Variants in ABCA13 observed in about 807,000 individuals in gnomAD.
ABCA13 encodes ATP-binding cassette sub-family A member 13.
A neutral mutation model predicts 478.7 loss-of-function variants in ABCA13; 476 were observed. The ratio of observed to expected loss-of-function variants is 0.99; its 90% CI spans 0.92 to 1.07. The LOEUF is 1.07. Among genes scored for constraint, ABCA13 ranks in the 50% least tolerant of loss-of-function variants. The pLI is 0.00. For synonymous variants in ABCA13, 2,252 were observed against 2,158.9 expected, an observed-to-expected ratio of 1.04 and a Z score of -1.20; for missense variants, 6,060 against 5,910.6, an observed-to-expected ratio of 1.03 and a Z score of -0.83.
At chr7:48,252,027 T>C (rs1792647603) in intron 15 of ABCA13, among the ~76,000 whole-genome samples, 1 of 152,208 alleles carries the variant, frequency 6.6e-6, no homozygotes, top group Admixed American at 6.5e-5. Flanking sequence ...TTATGCTACT[T>C]GAAGTTTTTT....
rs1474964794 is a variant in ABCA13 at position 48,587,247 on chromosome 7, A to G, written c.14599A>G (p.Thr4867Ala). 3.1e-6 allele frequency: 5 copies of G among 1,611,758 alleles called. No homozygotes were observed. Among genetic ancestry groups the G allele is most frequent in the African/African-American group, 2.7e-5 (2 of 75,006 alleles). The part of the protein sequence containing the change: ...YSGGTKRKLS[T>A]ALALVGKPDI... ...TGGGGGAACCAAGCGGAAACTCTCTACAGCCCTGGCCCTGGTGGGGAAACC... is the reference window on the plus strand; with the variant it reads ...TGGGGGAACCAAGCGGAAACTCTCTGCAGCCCTGGCCCTGGTGGGGAAACC... Residue 4867 changes from threonine (T) to alanine (A), a missense_variant, in exon 57 of 62, where the codon ACA becomes GCA. This residue lies in a region of ABCA13 where 1,627 missense variants were observed against 1,571.0 expected (regional missense o/e 1.04). Transcript: ENST00000435803.
chr7:48,243,533 G>T (rs1053873823), intron 10 of ABCA13, among the ~76,000 whole-genome samples: 6 of 152,232 alleles, frequency 3.9e-5, no homozygotes, highest in East Asian at 1.9e-4. Context: ...GCCTTGTAGG[G>T]TGATGACGTG....
chr7:48,622,983 A>G (rs1013139209), intron 59 of ABCA13, among the ~76,000 whole-genome samples: 2 of 152,148 alleles, frequency 1.3e-5, no homozygotes, highest in African/African-American at 2.4e-5. Flanking sequence ...ACATTTAACA[A>G]ATGAAAGAAG....
In ABCA13 at chr7:48,275,896, A is replaced by G; in HGVS notation, c.6230A>G (p.His2077Arg). The G allele has an allele frequency of 6.2e-7, 1 of 1,613,622 alleles. No homozygotes were observed. The highest frequency in any genetic ancestry group is 8.5e-7 in the Non-Finnish European group (1 of 1,179,814). Residue 2077 changes from histidine (H) to arginine (R), a missense_variant, in exon 17 of 62, where the codon CAC becomes CGC. Physicochemically the swap from His to Arg is conservative, Grantham distance 29 (BLOSUM62 0). This residue lies in a region of ABCA13 where 4,423 missense variants were observed against 4,309.1 expected (regional missense o/e 1.03). Coordinates refer to ENST00000435803, the MANE Select transcript of ABCA13 (RefSeq NM_152701.5). ...CTAACCCAAGATTTTAGAATCAGAC[A>G]CCTGCTTTCTGAAATGAACAAAGGA... Reference protein sequence around the residue: ...KDLTQDFRIRHLLSEMNKGIK... With the variant: ...KDLTQDFRIRRLLSEMNKGIK...
At chr7:48,492,708 A>G (rs1477222773) in intron 48 of ABCA13, among the ~76,000 whole-genome samples, 1 of 152,110 alleles carries the variant, frequency 6.6e-6, no homozygotes, top group African/African-American at 2.4e-5. Context: ...CACTGTAAGA[A>G]ATAACTTTTT....
At chr7:48,503,681 A>G (rs573816336) in intron 48 of ABCA13, among the ~76,000 whole-genome samples, 1 of 152,276 alleles carries the variant, frequency 6.6e-6, no homozygotes, top group Non-Finnish European at 1.5e-5. Flanking sequence ...TATTTTCTGT[A>G]TCCACTCATT....
intron 55 of ABCA13, among the ~76,000 whole-genome samples, chr7:48,552,397 A>G (rs1313294287): frequency 6.6e-6 from 1 of 151,780 alleles, no homozygotes; most frequent in Non-Finnish European, 1.5e-5. Context: ...TAAACTTTTT[A>G]TTAAGTTGAT....
chr7:48,282,757 G>C (rs1257093519), intron 19 of ABCA13, among the ~76,000 whole-genome samples: 1 of 152,168 alleles, frequency 6.6e-6, no homozygotes, highest in East Asian at 1.9e-4. Context: ...CACCTACCCT[G>C]TCTGGGGTCA....
Position 48,410,394 on chromosome 7 carries a change from T to G in ABCA13, c.12071-126T>G. On this transcript the variant is annotated intron_variant, in intron 39 of 61. Coordinates refer to ENST00000435803, the MANE Select transcript of ABCA13 (RefSeq NM_152701.5). ...AGTGGCCAGGACGCATTTCAATTTT[T>G]TTCAGTTTGAAAATTGGTGAGGATC... 4.8e-6 allele frequency: 6 copies of G among 1,240,362 alleles called. No individual in the cohort carries two copies. In the East Asian group the frequency reaches 1.2e-4, roughly 24 times the overall value. 76.8% of individuals were successfully genotyped at this position (1,240,362 alleles called of 1,614,324 possible). A position where few individuals can be genotyped will look rare whatever the true frequency, so the allele number is the denominator to read the frequency against.
intron 56 of ABCA13, among the ~76,000 whole-genome samples, chr7:48,582,002 A>C (rs2131371158): frequency 6.6e-6 from 1 of 152,368 alleles, no homozygotes; most frequent in African/African-American, 2.4e-5. Flanking sequence ...TTTATCTTTC[A>C]GTATTTATTC....
intron 41 of ABCA13, among the ~76,000 whole-genome samples, chr7:48,419,152 C>T (rs759634701): frequency 3.2e-4 from 49 of 152,182 alleles, no homozygotes; most frequent in Non-Finnish European, 2.4e-4. Context: ...TTCATGAAAA[C>T]TCCACCCCCA....
chr7:48,430,500 C>G (rs1563244619), intron 42 of ABCA13, among the ~76,000 whole-genome samples: 1 of 151,804 alleles, frequency 6.6e-6, no homozygotes, highest in Non-Finnish European at 1.5e-5. Flanking sequence ...ATGGTGAAAC[C>G]CCGTCTCCAC....
chr7:48,423,528 A>G (rs886625478), intron 41 of ABCA13, among the ~76,000 whole-genome samples: 2 of 152,160 alleles, frequency 1.3e-5, no homozygotes, highest in East Asian at 1.9e-4. Flanking sequence ...AGAGAACCCA[A>G]AAGGATGGGG....
intron 4 of ABCA13, among the ~76,000 whole-genome samples, chr7:48,220,224 T>C (rs748701345): frequency 2.4e-4 from 36 of 152,188 alleles, no homozygotes; most frequent in Non-Finnish European, 4.4e-4. Flanking sequence ...AGGCAGCCAG[T>C]TGCCTCTCTT....
intron 17 of ABCA13, among the ~76,000 whole-genome samples, chr7:48,276,875 C>T (rs1308491928): frequency 1.3e-5 from 2 of 152,100 alleles, no homozygotes; most frequent in East Asian, 3.9e-4. Flanking sequence ...CATAGCTGTA[C>T]ATGCATATAC....
At chr7:48,576,130 C>T (rs1427014736) in intron 55 of ABCA13, among the ~76,000 whole-genome samples, 2 of 151,922 alleles carry the variant, frequency 1.3e-5, no homozygotes, top group Admixed American at 6.6e-5. Context: ...GCAAATTCTA[C>T]AGTATTTTAT....
chr7:48,452,591 C>G (rs1825176362), intron 42 of ABCA13, among the ~76,000 whole-genome samples: 1 of 152,198 alleles, frequency 6.6e-6, no homozygotes, highest in Non-Finnish European at 1.5e-5. Context: ...GTATTTACAG[C>G]CATTTCCCTG....
At chr7:48,177,818 A>T (rs527755070) in intron 1 of ABCA13, among the ~76,000 whole-genome samples, 1 of 152,296 alleles carries the variant, frequency 6.6e-6, no homozygotes, top group South Asian at 2.1e-4. Flanking sequence ...TAATCTTCCT[A>T]CTTGTCATTA....
intron 55 of ABCA13, among the ~76,000 whole-genome samples, chr7:48,529,561 A>G (rs1833088258): frequency 1.3e-5 from 2 of 152,178 alleles, no homozygotes; most frequent in Non-Finnish European, 2.9e-5. Flanking sequence ...ATCCGCAGAG[A>G]TATTTATTTT....
Sources: allele counts gnomAD v4.1 joint callset (sites outside exome capture counted in the v4.1 genomes callset), GRCh38; gene constraint gnomAD v4.1.1; regional missense constraint gnomAD v4.1.1; transcripts MANE v1.5; gene names NCBI Gene and HGNC (gene_info 2026-07-23, HGNC 2026-07-21).